LYRM4: variants seen among roughly 807,000 people sequenced by gnomAD.
The protein encoded by LYRM4 is LYR motif-containing protein 4.
In LYRM4, 9 loss-of-function variants were observed where a neutral mutation model predicts 11.7. That is an observed-to-expected ratio of 0.77 (90% confidence interval 0.46 to 1.34). The LOEUF is 1.34. Ranked by LOEUF, LYRM4 falls within the 40% of genes most tolerant of loss-of-function variation. The probability of loss-of-function intolerance (pLI) is 0.00; values close to 1 mark genes in which losing one functional copy is unlikely to be tolerated. For synonymous variants in LYRM4, 42 were observed against 40.4 expected (o/e 1.04, Z -0.15); for missense variants, 133 against 112.5 (o/e 1.18, Z -0.82).
In LYRM4 at chr6:5,171,291, C is replaced by T. The variant is rs185877123; in HGVS notation, c.207+45327G>A. On this transcript the variant is annotated intron_variant, in intron 2 of 2. Transcript: ENST00000330636. ...CCATCTACGTTACATCCCTCTCCAG[C>T]TCCTACCCTAACTCTCCTTTCCTGT... Among the ~76,000 whole-genome samples, 25 of 152,302 alleles carry T rather than the reference C, an allele frequency of 1.6e-4. No homozygotes were observed. In the East Asian group the frequency reaches 4.6e-3, roughly 28 times the overall value.
At chr6:5,122,660 C>G (rs1352358449) in intron 2 of LYRM4, among the ~76,000 whole-genome samples, 8 of 152,216 alleles carry the variant, frequency 5.3e-5, no homozygotes, top group Admixed American at 5.2e-4. Flanking sequence ...TTCTCTTGGA[C>G]AGTCCCACAT....
chr6:5,082,400 T>C, the LYRM4 span, among the ~76,000 whole-genome samples: 5 of 152,184 alleles, frequency 3.3e-5, no homozygotes, highest in African/African-American at 9.7e-5. Context: ...GCCCTCCCTC[T>C]ATTCCTCTTC....
Position 5,118,094 on chromosome 6 carries a change from A to ATATATATATATTTTTTT in LYRM4, c.208-8604_208-8603insAAAAAAATATATATATA. Among the ~76,000 whole-genome samples the ATATATATATATTTTTTT allele has an allele frequency of 8.4e-3, 720 of 85,568 alleles. 4 individuals are homozygous for ATATATATATATTTTTTT. The highest frequency in any genetic ancestry group is 0.032 in the South Asian group (73 of 2,284). The allele number at this position is 85,568 out of a possible 152,430, so 56.1% of individuals were successfully genotyped here. ...TCACCAAAACAATATATATATATAT[A>ATATATATATATTTTTTT]TTTTTGTTTTGTTTTGTTTTGTTTT... is the stretch of plus-strand genomic sequence containing the variant. On this transcript the variant is annotated intron_variant, in intron 2 of 2. Transcript: ENST00000330636.
chr6:5,193,561 T>C (rs2127694982), intron 2 of LYRM4, among the ~76,000 whole-genome samples: 1 of 152,340 alleles, frequency 6.6e-6, no homozygotes, highest in South Asian at 2.1e-4. Context: ...GCAGGGAATC[T>C]TGGAGAAGTC....
At chr6:5,035,636 TC>T in the LYRM4 span, among the ~76,000 whole-genome samples, 12 of 66 alleles carry the variant, frequency 0.18, 1 homozygote, top group Non-Finnish European at 0.2. Flanking sequence ...CTCCCCTCCT[TC>T]CTTCCTTCCC....
intron 1 of LYRM4, among the ~76,000 whole-genome samples, chr6:5,245,149 TATATATATATATATAA>T (rs2127762435): frequency 1.2e-5 from 1 of 84,406 alleles, no homozygotes. Flanking sequence ...TATATATATA[TATATATATATATATAA>T]AATAGGTGAA....
At chr6:5,052,069 A>G in the LYRM4 span, among the ~76,000 whole-genome samples, 1 of 152,208 alleles carries the variant, frequency 6.6e-6, no homozygotes, top group Non-Finnish European at 1.5e-5. Flanking sequence ...TTGAATTTCA[A>G]CAAGAGGTTT....
chr6:5,224,891 C>T (rs1382890032), intron 1 of LYRM4, among the ~76,000 whole-genome samples: 3 of 151,972 alleles, frequency 2.0e-5, no homozygotes, highest in African/African-American at 7.3e-5. Flanking sequence ...ACCTCGGAGG[C>T]GAAGGTTGCA....
At chr6:5,128,918 C>A (rs1378570174) in intron 2 of LYRM4, among the ~76,000 whole-genome samples, 1 of 152,246 alleles carries the variant, frequency 6.6e-6, no homozygotes, top group African/African-American at 2.4e-5. Context: ...AGTGCTTGGG[C>A]CTATGCCCTT....
intron 2 of LYRM4, chr6:5,187,000 T>C: frequency 1.1e-6 from 1 of 918,950 alleles, no homozygotes; most frequent in Non-Finnish European, 1.3e-6. Flanking sequence ...AAAAAAAAAT[T>C]GTCTATAAAA....
At chr6:5,057,364 T>C in the LYRM4 span, among the ~76,000 whole-genome samples, 1 of 152,022 alleles carries the variant, frequency 6.6e-6, no homozygotes, top group Non-Finnish European at 1.5e-5. Context: ...TCCCTCAACT[T>C]TGGGACAAAA....
At chr6:5,218,092 G>A (rs1329468720) in intron 1 of LYRM4, among the ~76,000 whole-genome samples, 1 of 151,956 alleles carries the variant, frequency 6.6e-6, no homozygotes, top group African/African-American at 2.4e-5. Flanking sequence ...AAATTTTGGG[G>A]GATGGGGACT....
chr6:5,043,898 G>A, the LYRM4 span, among the ~76,000 whole-genome samples: 31 of 152,160 alleles, frequency 2.0e-4, 1 homozygote, highest in African/African-American at 6.5e-4. Flanking sequence ...GGCCAATCCC[G>A]AGTCTGTTTA....
intron 1 of LYRM4, among the ~76,000 whole-genome samples, chr6:5,230,923 A>G (rs1249069935): frequency 1.3e-5 from 2 of 152,172 alleles, no homozygotes; most frequent in Admixed American, 6.5e-5. Flanking sequence ...CCCCCTTCCT[A>G]AAATGTATGA....
intron 1 of LYRM4, among the ~76,000 whole-genome samples, chr6:5,238,901 A>C (rs1052940006): frequency 6.6e-6 from 1 of 152,240 alleles, no homozygotes; most frequent in Non-Finnish European, 1.5e-5. Flanking sequence ...TTCAGCATTT[A>C]TGCATTTGAA....
intron 2 of LYRM4, among the ~76,000 whole-genome samples, chr6:5,131,644 G>C (rs868792962): frequency 2.6e-5 from 4 of 152,134 alleles, no homozygotes; most frequent in Non-Finnish European, 5.9e-5. Context: ...TAGGCCAAAA[G>C]AAAGTCTGAA....
chr6:5,235,430 T>C (rs1763485746), intron 1 of LYRM4, among the ~76,000 whole-genome samples: 1 of 152,226 alleles, frequency 6.6e-6, no homozygotes, highest in Non-Finnish European at 1.5e-5. Context: ...AAGAATGATA[T>C]ATATCAATAG....
chr6:5,259,765 T>C (rs2127788264), intron 1 of LYRM4, among the ~76,000 whole-genome samples: 1 of 152,180 alleles, frequency 6.6e-6, no homozygotes, highest in Middle Eastern at 3.4e-3. Context: ...CATGGGAATA[T>C]GGCTCAAACT....
At chr6:5,117,522 G>C (rs1048265627) in intron 2 of LYRM4, among the ~76,000 whole-genome samples, 1 of 151,770 alleles carries the variant, frequency 6.6e-6, no homozygotes, top group Non-Finnish European at 1.5e-5. Context: ...ACTCCAGCCT[G>C]GTGACAGAGC....
Sources: gnomAD v4.1 joint callset for allele counts (sites outside exome capture counted in the v4.1 genomes callset) on GRCh38, gnomAD v4.1.1 for gene constraint, MANE v1.5 for transcripts, NCBI Gene and HGNC (gene_info 2026-07-23, HGNC 2026-07-21) for gene names.